CADM2: variants seen among roughly 807,000 people sequenced by gnomAD.
CADM2 encodes immunoglobulin superfamily member 4D.
In CADM2, 12 loss-of-function variants were observed where a neutral mutation model predicts 49.8. The observed-to-expected ratio is 0.24, with a 90% CI of 0.15 to 0.39. The LOEUF (loss-of-function observed/expected upper bound fraction) is 0.39, where lower values mean the gene tolerates loss of function less well. Among genes scored for constraint, CADM2 ranks in the 10% least tolerant of loss-of-function variants. CADM2 has a pLI of 1.00. For synonymous variants in CADM2, 214 were observed against 175.4 expected, an observed-to-expected ratio of 1.22 and a Z score of -1.74; for missense variants, 378 against 492.3, an observed-to-expected ratio of 0.77 and a Z score of 2.20.
chr3:85,673,387 G>A (rs541032084), intron 1 of CADM2, among the ~76,000 whole-genome samples: 2 of 151,822 alleles, frequency 1.3e-5, no homozygotes, highest in African/African-American at 4.8e-5. Context: ...GTCTCCAGGG[G>A]CTTACTAATT....
rs114194775 is a variant in CADM2 at position 85,756,849 on chromosome 3, C to G, written c.88+30301C>G. Among the ~76,000 whole-genome samples the G allele has an allele frequency of 5.5e-3, 831 of 152,026 alleles. 5 individuals carry two copies. Among genetic ancestry groups the G allele is most frequent in the Middle Eastern group, 0.024 (7 of 292 alleles). ...CTCTATGATTTTAAGAAATATTGATCGGGTTATTTCCCAAAGCTGAAAATT... is the reference window on the plus strand; with the variant it reads ...CTCTATGATTTTAAGAAATATTGATGGGGTTATTTCCCAAAGCTGAAAATT... On this transcript the variant is annotated intron_variant, in intron 2 of 9. Coordinates refer to ENST00000383699, the MANE Select transcript of CADM2 (RefSeq NM_001167675.2).
chr3:85,157,195 C>T (rs1337066499), intron 1 of CADM2, among the ~76,000 whole-genome samples: 9 of 151,986 alleles, frequency 5.9e-5, no homozygotes, highest in Admixed American at 1.3e-4. Context: ...AAAGAGGATA[C>T]AAACAAATGG....
chr3:85,371,994 C>A (rs1030179849), intron 1 of CADM2, among the ~76,000 whole-genome samples: 1 of 151,488 alleles, frequency 6.6e-6, no homozygotes, highest in Non-Finnish European at 1.5e-5. Context: ...TCTCTGTCTC[C>A]TCTAATCTGT....
intron 1 of CADM2, among the ~76,000 whole-genome samples, chr3:85,146,962 AAG>A (rs1386025555): frequency 6.6e-6 from 1 of 152,008 alleles, no homozygotes; most frequent in Non-Finnish European, 1.5e-5. Flanking sequence ...AAAAAAAGGA[AAG>A]AACTAGATGA....
chr3:85,468,027 G>GC (rs1188429708), intron 1 of CADM2, among the ~76,000 whole-genome samples: 3 of 151,274 alleles, frequency 2.0e-5, no homozygotes, highest in Non-Finnish European at 3.0e-5. Context: ...AGTGGCGGGC[G>GC]CCTGTAGTCC....
intron 2 of CADM2, among the ~76,000 whole-genome samples, chr3:85,794,804 T>A (rs994774126): frequency 2.0e-5 from 3 of 152,108 alleles, no homozygotes; most frequent in Non-Finnish European, 4.4e-5. Context: ...TCCTAAAGTA[T>A]CTAATTACTT....
rs117713119 is a variant in CADM2 at position 85,173,491 on chromosome 3, T to A, written c.61+213823T>A. On this transcript the variant is annotated intron_variant, in intron 1 of 9. Transcript: ENST00000383699. ...AAAATTTCTCAAGTTTTTTCTTGAC[T>A]AAATATAATGTCTCTAACATCATTA... 2.4e-3 allele frequency among the ~76,000 whole-genome samples: 362 copies of A among 152,308 alleles called. 4 individuals are homozygous for A. In the East Asian group the frequency reaches 0.024, roughly 10 times the overall value.
chr3:85,067,847 G>A (rs959805690), intron 1 of CADM2, among the ~76,000 whole-genome samples: 2 of 152,076 alleles, frequency 1.3e-5, no homozygotes, highest in African/African-American at 4.8e-5. Context: ...TTTCAACAAA[G>A]GGAGAAGTGA....
At chr3:85,182,988 G>A (rs376165160) in intron 1 of CADM2, among the ~76,000 whole-genome samples, 84 of 152,132 alleles carry the variant, frequency 5.5e-4, no homozygotes, top group African/African-American at 2.0e-3. Context: ...AAAAAATCAA[G>A]TGAATACAAT....
At chr3:85,256,585 A>C (rs981074542) in intron 1 of CADM2, among the ~76,000 whole-genome samples, 3 of 152,112 alleles carry the variant, frequency 2.0e-5, no homozygotes, top group Non-Finnish European at 2.9e-5. Flanking sequence ...TAAATTGTGA[A>C]ACTTGAGATT....
chr3:85,794,053 G>T (rs1294777211), intron 2 of CADM2, among the ~76,000 whole-genome samples: 1 of 152,070 alleles, frequency 6.6e-6, no homozygotes, highest in Non-Finnish European at 1.5e-5. Context: ...TATTTTAGGG[G>T]TTTAATAGTC....
intron 8 of CADM2, among the ~76,000 whole-genome samples, chr3:86,054,515 T>C (rs748267014): frequency 2.9e-4 from 44 of 152,218 alleles, no homozygotes; most frequent in African/African-American, 1.0e-3. Context: ...TATTTTTCCA[T>C]CAGATGTATT....
At chr3:85,735,781 A>G (rs1467671884) in intron 2 of CADM2, among the ~76,000 whole-genome samples, 1 of 152,152 alleles carries the variant, frequency 6.6e-6, no homozygotes, top group Non-Finnish European at 1.5e-5. Flanking sequence ...GAAAACTGGA[A>G]GGACAAAGTT....
chr3:85,441,461 T>G (rs2107543970), intron 1 of CADM2, among the ~76,000 whole-genome samples: 1 of 152,200 alleles, frequency 6.6e-6, no homozygotes, highest in Non-Finnish European at 1.5e-5. Flanking sequence ...TTTGGTTGAG[T>G]TTTATATTAC....
intron 1 of CADM2, among the ~76,000 whole-genome samples, chr3:85,085,207 T>A (rs2037321558): frequency 6.6e-6 from 1 of 152,042 alleles, no homozygotes; most frequent in Non-Finnish European, 1.5e-5. Context: ...TACTAACATC[T>A]TCCCAATTAC....
At position 84,970,044 on chromosome 3, in the gene CADM2, C is replaced by CTTTTT. The variant is rs33980527; in HGVS notation, c.61+10395_61+10399dup. Among the ~76,000 whole-genome samples the CTTTTT allele has an allele frequency of 3.6e-4, 37 of 103,542 alleles. 1 individual carries two copies. The highest frequency in any genetic ancestry group is 4.3e-4 in the Non-Finnish European group (23 of 53,276). The allele number at this position is 103,542 out of a possible 152,430, so 67.9% of individuals were successfully genotyped here. A position where few individuals can be genotyped will look rare whatever the true frequency, so the allele number is the denominator to read the frequency against. ...ACCAGATTATGTGTGGACTGACCTG[C>CTTTTT]TTTTTTTTTTTTTTTTTTTTTTTAC... On this transcript the variant is annotated intron_variant, in intron 1 of 9. Transcript: ENST00000383699.
At chr3:85,440,972 T>C (rs2037174470) in intron 1 of CADM2, among the ~76,000 whole-genome samples, 1 of 151,972 alleles carries the variant, frequency 6.6e-6, no homozygotes, top group African/African-American at 2.4e-5. Flanking sequence ...AAAACATAAA[T>C]AAATAAATAA....
intron 1 of CADM2, among the ~76,000 whole-genome samples, chr3:85,327,050 T>G (rs2107132526): frequency 6.6e-6 from 1 of 152,144 alleles, no homozygotes; most frequent in South Asian, 2.1e-4. Context: ...TTTTTTTCTT[T>G]TTTTCTTTCC....
At chr3:85,568,463 CTCTTT>C (rs1559916010) in intron 1 of CADM2, among the ~76,000 whole-genome samples, 46 of 13,160 alleles carry the variant, frequency 3.5e-3, no homozygotes, top group African/African-American at 5.7e-3. Context: ...TTCTTTCTTT[CTCTTT>C]CTCTCTCTTT....
Sources: allele counts gnomAD v4.1 joint callset (sites outside exome capture counted in the v4.1 genomes callset), GRCh38; gene constraint gnomAD v4.1.1; transcripts MANE v1.5; gene names NCBI Gene and HGNC (gene_info 2026-07-23, HGNC 2026-07-21).